Variants in DISP3 observed in about 807,000 individuals in gnomAD.
DISP3 encodes the protein dispatched RND transporter family member 3.
Under a neutral mutation model 135.3 loss-of-function variants are expected in DISP3, and 101 were observed. The observed-to-expected ratio is 0.75, with a 90% CI of 0.64 to 0.88. The LOEUF (loss-of-function observed/expected upper bound fraction) is 0.88, where lower values mean the gene tolerates loss of function less well. Ranked by LOEUF, DISP3 falls within the 40% of genes least tolerant of loss-of-function variation. The probability of loss-of-function intolerance (pLI) is 0.00; values close to 1 mark genes in which losing one functional copy is unlikely to be tolerated. For synonymous variants in DISP3, 856 were observed against 817.0 expected (o/e 1.05, Z -0.81); for missense variants, 1,713 against 1,878.6 (o/e 0.91, Z 1.63).
chr1:11,490,945 A>T lies in DISP3; in HGVS notation c.-3-10045A>T, dbSNP rs571413968. 9.8e-5 allele frequency among the ~76,000 whole-genome samples: 15 copies of T among 152,302 alleles called. No homozygotes were observed. In the South Asian group the frequency reaches 2.7e-3, roughly 27 times the overall value. On this transcript the variant is annotated intron_variant, in intron 1 of 20. Transcript: ENST00000294484. ...CCTTTTAAGGGGCCTGGCAGATAGTAAGCCCTTGGACTTCTAGTTCCTTTT... is the reference window on the plus strand; with the variant it reads ...CCTTTTAAGGGGCCTGGCAGATAGTTAGCCCTTGGACTTCTAGTTCCTTTT...
chr1:11,533,728 G>GACACGCACGCAC, intron 17 of DISP3: 1 of 66,964 alleles, frequency 1.5e-5, no homozygotes, highest in South Asian at 2.2e-4. Flanking sequence ...CCAGCACTCA[G>GACACGCACGCAC]ACACGCATGC....
intron 18 of DISP3, 42 bp downstream of exon 18, chr1:11,534,582 G>T (rs774097320): frequency 1.9e-6 from 3 of 1,569,286 alleles, no homozygotes; most frequent in Non-Finnish European, 2.6e-6. Flanking sequence ...TGGGCAGGAG[G>T]CAGAGGGACC....
In DISP3 at chr1:11,523,942, G is replaced by A; in HGVS notation, c.2363G>A (p.Gly788Asp). Residue 788 changes from glycine (G) to aspartate (D), a missense_variant and splice_region_variant, in exon 11 of 21, where the codon GGT becomes GAT. By Grantham distance (94) the Gly-to-Asp change is moderately conservative (BLOSUM62 -1). This residue lies in a region of DISP3 where 1,142 missense variants were observed against 1,384.6 expected (regional missense o/e 0.82). Transcript: ENST00000294484. ...TCCTTGACATGGCGCTGGGGGGCAG[G>A]TCTGTTCCAGGAGAAGCCCCACAGC... ...AEGISCITCSGLFQEKPHSLQ... is the reference protein window; with the variant it reads ...AEGISCITCSDLFQEKPHSLQ... 1 of 1,611,812 alleles carries A rather than the reference G, an allele frequency of 6.2e-7. No homozygotes were observed. Among genetic ancestry groups the A allele is most frequent in the Non-Finnish European group, 8.5e-7 (1 of 1,178,794 alleles).
rs199651653 is a variant in DISP3 at position 11,529,975 on chromosome 1, C to T, written c.3102+16C>T. On this transcript the variant is annotated intron_variant, in intron 15 of 20. Coordinates refer to ENST00000294484, the MANE Select transcript of DISP3 (RefSeq NM_020780.2). This position sits in a 1 kb window ranked among gnomAD's most constrained non-coding sequence, Gnocchi z 4.7. ...TGGAGACCCGGTACGGGGCATGCGT[C>T]GGGCAGATGCCGAGGGCCCCAGCTG... 6.6e-5 allele frequency: 106 copies of T among 1,607,366 alleles called. No homozygotes were observed. Among genetic ancestry groups the T allele is most frequent in the Middle Eastern group, 3.3e-4 (2 of 6,044 alleles).
rs56171241 is a variant in DISP3, at chr1:11,481,063, T to TCACACACA, written c.-4+1692_-4+1699dup. ...TTCTCTCTCTCTCTCTCTCTCTCTC[T>TCACACACA]CACACACATACACACACACACACGC... is the stretch of plus-strand genomic sequence containing the variant. On this transcript the variant is annotated intron_variant, in intron 1 of 20. Coordinates refer to ENST00000294484, the MANE Select transcript of DISP3 (RefSeq NM_020780.2). Among the ~76,000 whole-genome samples the TCACACACA allele has an allele frequency of 7.6e-5, 11 of 144,952 alleles. No homozygotes were observed. The South Asian group carries it at 2.5e-3, about 33-fold the overall frequency.
At chr1:11,517,678 C>A in intron 7 of DISP3, 76 bp downstream of exon 7, 1 of 1,547,058 alleles carries the variant, frequency 6.5e-7, no homozygotes, top group Non-Finnish European at 8.8e-7. Flanking sequence ...GCAGCAACCT[C>A]TCTTCCAAAA....
intron 15 of DISP3, 113 bp downstream of exon 15, chr1:11,530,072 A>G: frequency 5.7e-6 from 8 of 1,410,420 alleles, no homozygotes; most frequent in African/African-American, 1.4e-5. Flanking sequence ...TGGCTCCTCA[A>G]TGGCTCCTCT....
intron 3 of DISP3, 138 bp from the exon 4 acceptor site, chr1:11,514,252 G>T: frequency 9.8e-7 from 1 of 1,020,784 alleles, no homozygotes. Flanking sequence ...GAAGCCCCCA[G>T]GTGATTTTGA....
At chr1:11,522,881 A>AGCCCAGCCAGG (rs1642278161) in intron 10 of DISP3, among the ~76,000 whole-genome samples, 1 of 28,896 alleles carries the variant, frequency 3.5e-5, no homozygotes, top group Non-Finnish European at 7.5e-5. Flanking sequence ...GCCCAGCCAG[A>AGCCCAGCCAGG]GCCCAGCCAG....
chr1:11,525,028 TAG>T (rs1056143614), intron 11 of DISP3, 146 bp from the exon 12 acceptor site: 1 of 869,462 alleles, frequency 1.2e-6, no homozygotes, highest in Non-Finnish European at 1.7e-6. Context: ...CCTGGTCCAG[TAG>T]AGAGGGGCAC....
At chr1:11,517,070 G>A (rs996918664) in intron 6 of DISP3, among the ~76,000 whole-genome samples, 8 of 152,200 alleles carry the variant, frequency 5.3e-5, no homozygotes, top group Non-Finnish European at 7.3e-5. Flanking sequence ...CCCTGCCTCC[G>A]TCATGTGGCA....
At position 11,531,408 on chromosome 1, in the gene DISP3, G is replaced by A. The variant is rs561788416; in HGVS notation, c.3230-157G>A. Among the ~76,000 whole-genome samples, 37 of 152,284 alleles carry A rather than the reference G, an allele frequency of 2.4e-4. No homozygotes were observed. Among genetic ancestry groups the A allele is most frequent in the African/African-American group, 8.7e-4 (36 of 41,564 alleles). On this transcript the variant is annotated intron_variant, in intron 16 of 20. Coordinates refer to ENST00000294484, the MANE Select transcript of DISP3 (RefSeq NM_020780.2). This position sits in a 1 kb window ranked among gnomAD's most constrained non-coding sequence, Gnocchi z 5.2. The stretch of plus-strand genomic sequence containing the variant: ...GGGCCCACAGGTCATGTTCCACCCC[G>A]ATGGCAAATGCATGTTGTAGGTTTC...
chr1:11,536,426 C>T lies in DISP3; in HGVS notation c.3919C>T (p.Leu1307Phe). 6.2e-7 allele frequency: 1 copy of T among 1,613,354 alleles called. No individual in the cohort carries two copies. The change falls in exon 21 of 21, where the codon CTC becomes TTC. Residue 1307 changes from leucine to phenylalanine, a missense_variant. By Grantham distance (22) the Leu-to-Phe change is conservative (BLOSUM62 0). Coordinates refer to ENST00000294484, the MANE Select transcript of DISP3 (RefSeq NM_020780.2). The surrounding 1 kb of genome is among the most constrained non-coding windows in gnomAD (Gnocchi z 4.3). The stretch of plus-strand genomic sequence containing the variant: ...CACCACGGTCATCGCCACAGTGCCC[C>T]TCTTCTTCTGCATCATCGCCCCATT... ...ALTTVIATVP[L>F]FFCIIAPFAK...
Position 11,522,958 on chromosome 1 carries a change from G to GACCCAGCCAGAGCCCAGCCAGT in DISP3, c.2363-974_2363-973insAGCCCAGCCAGTACCCAGCCAG, listed in dbSNP as rs2100488459. ...CAGGACCCAGCCAGAGCCCAACCAG[G>GACCCAGCCAGAGCCCAGCCAGT]ACCCAGCCAGGACCCAGCCGGAGCC... On this transcript the variant is annotated intron_variant, in intron 10 of 20. Coordinates refer to ENST00000294484, the MANE Select transcript of DISP3 (RefSeq NM_020780.2). Among the ~76,000 whole-genome samples the GACCCAGCCAGAGCCCAGCCAGT allele has an allele frequency of 1.5e-5, 2 of 130,380 alleles. 1 individual carries two copies. Among genetic ancestry groups the GACCCAGCCAGAGCCCAGCCAGT allele is most frequent in the South Asian group, 4.8e-4 (2 of 4,210 alleles). The allele number at this position is 130,380 out of a possible 152,430, so 85.5% of individuals were successfully genotyped here.
Position 11,536,322 on chromosome 1 carries a change from A to G in DISP3, c.3817-2A>G. The G allele has an allele frequency of 1.3e-6, 2 of 1,595,966 alleles. No individual in the cohort carries two copies. Among genetic ancestry groups the G allele is most frequent in the Non-Finnish European group, 8.5e-7 (1 of 1,177,130 alleles). On this transcript the variant is annotated splice_acceptor_variant, in intron 20 of 20. Coordinates refer to ENST00000294484, the MANE Select transcript of DISP3 (RefSeq NM_020780.2). LOFTEE classifies it high-confidence loss of function. This position sits in a 1 kb window ranked among gnomAD's most constrained non-coding sequence, Gnocchi z 4.3. ...GGCTCCCAGCTCTCCTCTTGCCCCCAGGACGCCCGAACGCAGCGCCAGTGG... is the reference window on the plus strand; with the variant it reads ...GGCTCCCAGCTCTCCTCTTGCCCCCGGGACGCCCGAACGCAGCGCCAGTGG...
In DISP3 at chr1:11,501,306, A is replaced by G. The variant is rs1405114727; in HGVS notation, c.314A>G (p.Tyr105Cys). Reference sequence around the variant, plus strand: ...CCACCGCTGGACATTGACATCTCCTACAACGCCTTTGAGATCCGCAACCAC... The same window carrying G: ...CCACCGCTGGACATTGACATCTCCTGCAACGCCTTTGAGATCCGCAACCAC... Reference protein sequence around the residue: ...YYPPLDIDISYNAFEIRNHEA... With the variant: ...YYPPLDIDISCNAFEIRNHEA... The change falls in exon 2 of 21, where the codon TAC (tyrosine) becomes TGC (cysteine). Residue 105 changes from tyrosine (Y) to cysteine (C), a missense_variant. Physicochemically the swap from Tyr to Cys is radical, Grantham distance 194. Around this residue, in one of 2 missense-constraint regions of DISP3, gnomAD observed 571 missense variants for 494.1 expected, o/e 1.16. Transcript: ENST00000294484. This position sits in a 1 kb window ranked among gnomAD's most constrained non-coding sequence, Gnocchi z 4.9. The G allele has an allele frequency of 6.8e-6, 11 of 1,613,898 alleles. No homozygotes were observed. Among genetic ancestry groups the G allele is most frequent in the South Asian group, 5.5e-5 (5 of 91,076 alleles).
chr1:11,528,212 T>C (rs1269088038), intron 13 of DISP3, among the ~76,000 whole-genome samples: 1 of 152,192 alleles, frequency 6.6e-6, no homozygotes, highest in Non-Finnish European at 1.5e-5. Flanking sequence ...GGAGGGCCCC[T>C]GTTGTATTCA....
Position 11,531,646 on chromosome 1 carries a change from T to C in DISP3, c.3311T>C (p.Leu1104Pro), listed in dbSNP as rs1404386636. 1 of 1,613,312 alleles carries C rather than the reference T, an allele frequency of 6.2e-7. No individual in the cohort carries two copies. The highest frequency in any genetic ancestry group is 8.5e-7 in the Non-Finnish European group (1 of 1,179,826). The change falls in exon 17 of 21, where the codon CTG becomes CCG. Residue 1104 changes from leucine to proline, a missense_variant. Leu to Pro is a moderately conservative substitution (Grantham distance 98). Coordinates refer to ENST00000294484, the MANE Select transcript of DISP3 (RefSeq NM_020780.2). The surrounding 1 kb of genome is among the most constrained non-coding windows in gnomAD (Gnocchi z 5.2). ...LPEPNLLPGQ[L>P]SHGAVGVREG... ...GAGCCCAACCTGCTCCCGGGGCAGC[T>C]GTCCCACGGGGCAGTGGGCGTCAGG...
At chr1:11,510,698 A>G (rs993524414) in intron 3 of DISP3, among the ~76,000 whole-genome samples, 1 of 152,150 alleles carries the variant, frequency 6.6e-6, no homozygotes, top group Non-Finnish European at 1.5e-5. Flanking sequence ...TAGGCCGAGC[A>G]CAGTGGCTAA....
Sources: allele counts gnomAD v4.1 joint callset (sites outside exome capture counted in the v4.1 genomes callset), GRCh38; gene constraint gnomAD v4.1.1; regional missense constraint gnomAD v4.1.1; non-coding constraint Gnocchi (gnomAD v3.1); transcripts MANE v1.5; gene names NCBI Gene and HGNC (gene_info 2026-07-23, HGNC 2026-07-21).